Variants in WBP1L observed in about 807,000 individuals in gnomAD.
The protein encoded by WBP1L is WW domain binding protein 1 like.
A neutral mutation model predicts 33.7 loss-of-function variants in WBP1L; 17 were observed. That is an observed-to-expected ratio of 0.50 (90% CI 0.34 to 0.76). WBP1L has a LOEUF of 0.76. Ranked by LOEUF, WBP1L falls within the 30% of genes least tolerant of loss-of-function variation. WBP1L has a pLI of 0.01. For missense variants in WBP1L, 389 were observed against 469.4 expected (o/e 0.83, Z 1.58); for synonymous variants, 173 against 190.8 (o/e 0.91, Z 0.77).
intron 1 of WBP1L, among the ~76,000 whole-genome samples, chr10:102,780,339 A>G (rs1285598485): frequency 6.6e-6 from 1 of 152,218 alleles, no homozygotes; most frequent in Non-Finnish European, 1.5e-5. Flanking sequence ...TAGGCATGCT[A>G]TCCCTTTATT....
intron 2 of WBP1L, among the ~76,000 whole-genome samples, chr10:102,808,050 A>G (rs660850): frequency 0.93 from 140,885 of 152,040 alleles, 66,254 homozygotes; most frequent in East Asian, 1. Flanking sequence ...ATGGTGGCAT[A>G]TGCTTGTAGT....
intron 1 of WBP1L, among the ~76,000 whole-genome samples, chr10:102,765,454 G>C (rs1843094548): frequency 6.6e-6 from 1 of 151,990 alleles, no homozygotes; most frequent in African/African-American, 2.4e-5. Flanking sequence ...GACTGGTCTC[G>C]AACTCCTGGG....
intron 3 of WBP1L, among the ~76,000 whole-genome samples, chr10:102,811,208 C>G (rs1291260617): frequency 6.6e-6 from 1 of 151,878 alleles, no homozygotes; most frequent in East Asian, 1.9e-4. Flanking sequence ...GGTCAGGAGT[C>G]AGTTATAACG....
intron 1 of WBP1L, among the ~76,000 whole-genome samples, chr10:102,745,142 A>G (rs1006521480): frequency 1.2e-4 from 19 of 152,228 alleles, no homozygotes; most frequent in Admixed American, 3.3e-4. Flanking sequence ...CGTAGTGGCA[A>G]AGTTTATACA....
Position 102,812,846 on chromosome 10 carries a change from C to T in WBP1L, c.607C>T (p.Leu203=), listed in dbSNP as rs750397020. The change falls in exon 4 of 4, where the codon CTA becomes TTA. Residue 203 remains leucine (L), a synonymous_variant. Transcript: ENST00000448841. The stretch of plus-strand genomic sequence containing the variant: ...CATCGCTGACCCTGATCCCTCTGAC[C>T]TACCAGTTGACCGAGCAGCCACCAA... ...PSIADPDPSD[L]PVDRAATKAP... 1 of 1,578,030 alleles carries T rather than the reference C, an allele frequency of 6.3e-7. No individual in the cohort carries two copies. The highest frequency in any genetic ancestry group is 8.6e-7 in the Non-Finnish European group (1 of 1,160,634).
intron 1 of WBP1L, among the ~76,000 whole-genome samples, chr10:102,777,807 C>A (rs138273840): frequency 6.6e-6 from 1 of 152,082 alleles, no homozygotes; most frequent in African/African-American, 2.4e-5. Context: ...TCCGGTGATC[C>A]GGCCACCTCA....
chr10:102,793,199 G>A (rs1242381756), intron 1 of WBP1L, among the ~76,000 whole-genome samples: 1 of 152,192 alleles, frequency 6.6e-6, no homozygotes, highest in African/African-American at 2.4e-5. Flanking sequence ...CCAGCACTTT[G>A]GGAGGCCAAG....
chr10:102,779,535 C>T (rs1163938638), intron 1 of WBP1L, among the ~76,000 whole-genome samples: 4 of 152,000 alleles, frequency 2.6e-5, no homozygotes, highest in Admixed American at 2.6e-4. Context: ...CTCCTGACCT[C>T]AAGTGGTCCG....
chr10:102,812,051 T>A (rs1843849314), intron 3 of WBP1L, among the ~76,000 whole-genome samples: 1 of 152,178 alleles, frequency 6.6e-6, no homozygotes, highest in African/African-American at 2.4e-5. Context: ...AAGCTTGGTT[T>A]GTGTTTCCAG....
At chr10:102,744,790 C>T (rs1034433019) in intron 1 of WBP1L, among the ~76,000 whole-genome samples, 4 of 152,254 alleles carry the variant, frequency 2.6e-5, no homozygotes, top group African/African-American at 9.6e-5. Context: ...GGCTGGCTGG[C>T]CTGGGAGAGC....
At chr10:102,804,203 A>C (rs1177383906) in intron 2 of WBP1L, among the ~76,000 whole-genome samples, 1 of 151,832 alleles carries the variant, frequency 6.6e-6, no homozygotes, top group African/African-American at 2.4e-5. Context: ...AGCCTGGCCA[A>C]CATGGTGAAA....
At chr10:102,797,803 G>A (rs545053067) in intron 1 of WBP1L, among the ~76,000 whole-genome samples, 190 bp from the exon 2 acceptor site, 8 of 152,036 alleles carry the variant, frequency 5.3e-5, no homozygotes, top group Non-Finnish European at 1.5e-5. Flanking sequence ...TGCCTGCCTC[G>A]GCCTCCCAAA....
intron 1 of WBP1L, chr10:102,776,261 G>C: frequency 6.3e-7 from 1 of 1,595,816 alleles, no homozygotes; most frequent in East Asian, 2.3e-5. Flanking sequence ...TACTTTGTCT[G>C]CTTTGCTAAA....
chr10:102,802,378 T>TTTTTG (rs1474829457), intron 2 of WBP1L, among the ~76,000 whole-genome samples: 1 of 151,614 alleles, frequency 6.6e-6, no homozygotes. Flanking sequence ...CTGCCGTTTT[T>TTTTTG]TTTTGTTTTG....
intron 1 of WBP1L, among the ~76,000 whole-genome samples, chr10:102,785,345 G>A (rs957559052): frequency 6.6e-6 from 1 of 151,664 alleles, no homozygotes; most frequent in Non-Finnish European, 1.5e-5. Context: ...CTGCCACCAC[G>A]CCCAGCTAAT....
chr10:102,757,887 C>CCT (rs1491483676), intron 1 of WBP1L, among the ~76,000 whole-genome samples: 2 of 25,366 alleles, frequency 7.9e-5, no homozygotes, highest in African/African-American at 1.7e-4. Flanking sequence ...CCCCCCCCCC[C>CCT]TTTTTTTTTT....
intron 2 of WBP1L, among the ~76,000 whole-genome samples, chr10:102,802,945 A>G (rs1185911156): frequency 6.6e-6 from 1 of 152,254 alleles, no homozygotes; most frequent in Non-Finnish European, 1.5e-5. Context: ...TTCTGCGTAT[A>G]CTACATATAT....
At chr10:102,758,185 C>T (rs1564754424) in intron 1 of WBP1L, among the ~76,000 whole-genome samples, 1 of 146,090 alleles carries the variant, frequency 6.8e-6, no homozygotes, top group East Asian at 2.0e-4. Context: ...ATGCACAGCC[C>T]TTTTTTTTTT....
chr10:102,755,656 G>A (rs1369850448), intron 1 of WBP1L, among the ~76,000 whole-genome samples: 3 of 152,052 alleles, frequency 2.0e-5, no homozygotes, highest in Non-Finnish European at 4.4e-5. Context: ...GCCTCCCAGA[G>A]TGCTGGGATT....
Sources: allele counts gnomAD v4.1 joint callset (sites outside exome capture counted in the v4.1 genomes callset), GRCh38; gene constraint gnomAD v4.1.1; transcripts MANE v1.5; gene names NCBI Gene and HGNC (gene_info 2026-07-23, HGNC 2026-07-21).